The following GRIK2 variants were observed in gnomAD, a reference collection of about 807,000 sequenced individuals.
GRIK2 encodes glutamate receptor ionotropic, kainate 2.
Under a neutral mutation model 100.3 loss-of-function variants are expected in GRIK2, and 32 were observed. The observed-to-expected ratio is 0.32, with a 90% CI of 0.24 to 0.43. The LOEUF is 0.43. Among genes scored for constraint, GRIK2 ranks in the 20% least tolerant of loss-of-function variants. The pLI is 1.00. For synonymous variants in GRIK2, 417 were observed against 389.4 expected, an observed-to-expected ratio of 1.07 and a Z score of -0.83; for missense variants, 843 against 1,114.9, an observed-to-expected ratio of 0.76 and a Z score of 3.47.
chr6:101,879,544 T>C (rs913315409), intron 11 of GRIK2, among the ~76,000 whole-genome samples: 5 of 151,990 alleles, frequency 3.3e-5, no homozygotes, highest in Non-Finnish European at 2.9e-5. Context: ...CTTGGGTTCT[T>C]GAACCTCTCA....
At position 102,016,449 on chromosome 6, in the gene GRIK2, AAAG is replaced by A. The variant is rs1487138016; in HGVS notation, c.2086-18889_2086-18887del. On this transcript the variant is annotated intron_variant, in intron 14 of 16. Transcript: ENST00000369134. The stretch of plus-strand genomic sequence containing the variant: ...GGAGAGTCAGAAAAGAATTTTAAAA[AAAG>A]AATGAACCATGTCACATGTATACAT... 2.0e-5 allele frequency among the ~76,000 whole-genome samples: 3 copies of A among 152,176 alleles called. No homozygotes were observed. The East Asian group carries it at 5.8e-4, about 29-fold the overall frequency.
intron 12 of GRIK2, among the ~76,000 whole-genome samples, chr6:101,900,325 G>T (rs1323825541): frequency 6.6e-6 from 1 of 151,948 alleles, no homozygotes; most frequent in African/African-American, 2.4e-5. Context: ...TTAGCCGGGC[G>T]TGGTGGCACA....
At chr6:101,432,457 CA>C (rs1036999907) in intron 2 of GRIK2, among the ~76,000 whole-genome samples, 1 of 152,094 alleles carries the variant, frequency 6.6e-6, no homozygotes, top group African/African-American at 2.4e-5. Flanking sequence ...ATTTACCCCC[CA>C]GATAATACCC....
At chr6:101,553,365 G>A (rs556383819) in intron 2 of GRIK2, among the ~76,000 whole-genome samples, 1 of 152,230 alleles carries the variant, frequency 6.6e-6, no homozygotes, top group South Asian at 2.1e-4. Context: ...TCCTGGAACT[G>A]TCATATTTCA....
chr6:101,724,860 G>T lies in GRIK2; in HGVS notation c.951+38507G>T, dbSNP rs946557744. Among the ~76,000 whole-genome samples, 3 of 151,986 alleles carry T rather than the reference G, an allele frequency of 2.0e-5. No homozygotes were observed. The East Asian group carries it at 5.8e-4, about 29-fold the overall frequency. On this transcript the variant is annotated intron_variant, in intron 7 of 16. Transcript: ENST00000369134. ...AAATAGGAGGTTTGAGGGCTGAAAT[G>T]ATGAGCATTTTCCATCTTCTCTCCA...
intron 12 of GRIK2, among the ~76,000 whole-genome samples, chr6:101,909,382 C>CTT (rs58320962): frequency 7.9e-6 from 1 of 126,448 alleles, no homozygotes; most frequent in Non-Finnish European, 1.6e-5. Context: ...TTTTCTTTTT[C>CTT]TTTTTTTTTT....
intron 7 of GRIK2, among the ~76,000 whole-genome samples, chr6:101,753,194 A>G (rs1776900051): frequency 6.6e-6 from 1 of 151,464 alleles, no homozygotes; most frequent in Admixed American, 6.6e-5. Context: ...GAGGCAGGAG[A>G]ATGGCGTGAA....
At chr6:102,064,426 C>CTT (rs767671108) in intron 16 of GRIK2, among the ~76,000 whole-genome samples, 3 of 143,020 alleles carry the variant, frequency 2.1e-5, no homozygotes, top group Non-Finnish European at 4.6e-5. Context: ...TTCTTTCTTT[C>CTT]TCTCTTTCTC....
At chr6:101,467,971 CAG>C (rs1376448764) in intron 2 of GRIK2, among the ~76,000 whole-genome samples, 7 of 150,260 alleles carry the variant, frequency 4.7e-5, no homozygotes, top group African/African-American at 1.7e-4. Flanking sequence ...GAGTGTCTCT[CAG>C]GGCACGAGAA....
At chr6:101,898,076 A>T (rs1432902532) in intron 12 of GRIK2, among the ~76,000 whole-genome samples, 1 of 151,880 alleles carries the variant, frequency 6.6e-6, no homozygotes, top group Admixed American at 6.6e-5. Context: ...AAAGAGATTC[A>T]TTTATTACCT....
At chr6:101,667,683 A>C (rs1486179412) in intron 4 of GRIK2, among the ~76,000 whole-genome samples, 4 of 152,156 alleles carry the variant, frequency 2.6e-5, no homozygotes, top group African/African-American at 9.6e-5. Context: ...TATCATCTAT[A>C]CTGTATTATT....
chr6:101,840,851 CAA>C (rs2128434164), intron 10 of GRIK2, among the ~76,000 whole-genome samples: 1 of 152,182 alleles, frequency 6.6e-6, no homozygotes, highest in East Asian at 1.9e-4. Context: ...GAAAAGCAAA[CAA>C]AACATTTTTT....
chr6:101,874,694 G>A (rs1219665127), intron 11 of GRIK2, among the ~76,000 whole-genome samples: 2 of 151,858 alleles, frequency 1.3e-5, no homozygotes, highest in Non-Finnish European at 2.9e-5. Context: ...GGGCAGTATG[G>A]CCATTTTCAC....
rs187336271 is a variant in GRIK2, at chr6:101,603,932, C to T, written c.116-18017C>T. 2.6e-3 allele frequency among the ~76,000 whole-genome samples: 400 copies of T among 151,594 alleles called. 4 individuals are homozygous for T. The highest frequency in any genetic ancestry group is 8.3e-3 in the African/African-American group (343 of 41,434). ...TGCATGCATTTTTTTTTAAGGTTTA[C>T]AACTGCAGTTTCTATTCAGAGTAGA... is the stretch of plus-strand genomic sequence containing the variant. On this transcript the variant is annotated intron_variant, in intron 2 of 16. Transcript: ENST00000369134.
intron 4 of GRIK2, among the ~76,000 whole-genome samples, chr6:101,670,795 T>C (rs1770375397): frequency 6.6e-6 from 1 of 152,198 alleles, no homozygotes; most frequent in Admixed American, 6.5e-5. Context: ...AATATAAACA[T>C]AATGACAAAC....
intron 4 of GRIK2, among the ~76,000 whole-genome samples, chr6:101,645,871 TACTG>T (rs1020272192): frequency 1.9e-4 from 29 of 151,958 alleles, no homozygotes; most frequent in Non-Finnish European, 3.1e-4. Context: ...TTCTGCTCTT[TACTG>T]ACTAACACTA....
chr6:101,979,556 T>C (rs1793594041), intron 14 of GRIK2, among the ~76,000 whole-genome samples: 1 of 151,844 alleles, frequency 6.6e-6, no homozygotes, highest in Non-Finnish European at 1.5e-5. Flanking sequence ...CAGAGGTGGG[T>C]AAGAAGAAAT....
At chr6:101,751,434 A>G (rs995473767) in intron 7 of GRIK2, among the ~76,000 whole-genome samples, 1 of 152,096 alleles carries the variant, frequency 6.6e-6, no homozygotes, top group Admixed American at 6.6e-5. Flanking sequence ...TAAATCCGAG[A>G]CATCACATCA....
At chr6:101,533,436 A>G (rs998127934) in intron 2 of GRIK2, among the ~76,000 whole-genome samples, 2 of 151,946 alleles carry the variant, frequency 1.3e-5, no homozygotes, top group African/African-American at 4.8e-5. Flanking sequence ...ATTTAAAATC[A>G]GTTAACTTGT....
Sources: gnomAD v4.1 joint callset for allele counts (sites outside exome capture counted in the v4.1 genomes callset) on GRCh38, gnomAD v4.1.1 for gene constraint, MANE v1.5 for transcripts, NCBI Gene and HGNC (gene_info 2026-07-23, HGNC 2026-07-21) for gene names.